RP2: variants seen among roughly 807,000 people sequenced by gnomAD.
RP2 encodes the protein RP2 activator of ARL3 GTPase.
In RP2, 3 loss-of-function variants were observed where a neutral mutation model predicts 20.3. The ratio of observed to expected loss-of-function variants is 0.15; its 90% CI spans 0.07 to 0.38. RP2 has a LOEUF of 0.38. Among genes scored for constraint, RP2 ranks in the 10% least tolerant of loss-of-function variants. RP2 has a pLI of 1.00. For missense variants in RP2, 233 were observed against 268.5 expected (o/e 0.87, Z 0.92); for synonymous variants, 75 against 94.8 (o/e 0.79, Z 1.22).
At chrX:46,861,700 C>G (rs978566062) in intron 3 of RP2, among the ~76,000 whole-genome samples, 1 of 111,069 alleles carries the variant, frequency 9.0e-6, no homozygotes, top group African/African-American at 3.3e-5. Context: ...CAAAAATTAG[C>G]TAGGGGTGAT....
chrX:46,876,859 T>C (rs1473730226), intron 3 of RP2, among the ~76,000 whole-genome samples: 1 of 112,569 alleles, frequency 8.9e-6, no homozygotes, highest in Non-Finnish European at 1.9e-5. Context: ...ATCAAGACTT[T>C]TCCATCACTG....
chrX:46,869,078 G>C (rs1312275815), intron 3 of RP2, among the ~76,000 whole-genome samples: 1 of 109,613 alleles, frequency 9.1e-6, no homozygotes, highest in East Asian at 2.9e-4. Flanking sequence ...CAGCCTTGGG[G>C]GGAGTGACCC....
chrX:46,837,258 C>A, intron 1 of RP2, 56 bp downstream of exon 1: 1 of 1,085,340 alleles, frequency 9.2e-7, no homozygotes, highest in Admixed American at 2.6e-5. Context: ...CCGCCAGGTC[C>A]CTTACGGCCC....
intron 2 of RP2, among the ~76,000 whole-genome samples, chrX:46,857,847 G>A (rs1602349081): frequency 8.9e-6 from 1 of 112,245 alleles, no homozygotes; most frequent in East Asian, 2.8e-4. Context: ...AATCAGAGAT[G>A]ATAAGCACTC....
chrX:46,853,981 C>T lies in RP2; in HGVS notation c.608C>T (p.Thr203Ile). 2.5e-6 allele frequency: 3 copies of T among 1,211,812 alleles called. No individual in the cohort carries two copies. The highest frequency in any genetic ancestry group is 3.4e-6 in the Non-Finnish European group (3 of 895,512). Reference sequence around the variant, plus strand: ...GTTCAGGACTATGTTCCTATACCTACTACCGAAGAGCTCAAAGCTGTTCGT... The same window carrying T: ...GTTCAGGACTATGTTCCTATACCTATTACCGAAGAGCTCAAAGCTGTTCGT... Reference protein sequence around the residue: ...AVVQDYVPIPTTEELKAVRVS... With the variant: ...AVVQDYVPIPITEELKAVRVS... The change falls in exon 2 of 5, where the codon ACT becomes ATT. Residue 203 changes from threonine to isoleucine, a missense_variant. Coordinates refer to ENST00000218340, the MANE Select transcript of RP2 (RefSeq NM_006915.3).
chrX:46,847,913 CAT>C (rs202146732), intron 1 of RP2, among the ~76,000 whole-genome samples: 1,366 of 61,821 alleles, frequency 0.022, 34 homozygotes, highest in African/African-American at 0.077. Flanking sequence ...TATATGGACT[CAT>C]ATATGTGTAT....
chrX:46,841,915 C>T (rs1924628474), intron 1 of RP2, among the ~76,000 whole-genome samples: 1 of 111,949 alleles, frequency 8.9e-6, no homozygotes, highest in Non-Finnish European at 1.9e-5. Flanking sequence ...TTCATTCTAT[C>T]TAACTGTATA....
intron 3 of RP2, among the ~76,000 whole-genome samples, chrX:46,861,440 A>T (rs1925060268): frequency 8.9e-6 from 1 of 112,271 alleles, no homozygotes; most frequent in Admixed American, 9.5e-5. Context: ...TCTTAAAAAC[A>T]AGAGATGCCT....
At chrX:46,876,899 G>A (rs1436379620) in intron 3 of RP2, among the ~76,000 whole-genome samples, 1 of 112,260 alleles carries the variant, frequency 8.9e-6, no homozygotes, top group Non-Finnish European at 1.9e-5. Flanking sequence ...TCAAATTAAT[G>A]TATGAGAAAG....
chrX:46,846,655 A>AT (rs1300641212), intron 1 of RP2, among the ~76,000 whole-genome samples: 4 of 111,922 alleles, frequency 3.6e-5, no homozygotes. Flanking sequence ...TGGCTATGCC[A>AT]TTTTGCCTAC....
intron 1 of RP2, among the ~76,000 whole-genome samples, chrX:46,847,836 ATGTGTGTATATATGTGTATATATG>A (rs1556317070): frequency 1.0e-5 from 1 of 98,821 alleles, no homozygotes; most frequent in Non-Finnish European, 2.0e-5. Context: ...ATGTGTATAT[ATGTGTGTATATATGTGTATATATG>A]TGTGTGTATA....
At chrX:46,867,618 T>C (rs1556323151) in intron 3 of RP2, among the ~76,000 whole-genome samples, 1 of 111,437 alleles carries the variant, frequency 9.0e-6, no homozygotes, top group Admixed American at 9.6e-5. Context: ...GGTAATACAT[T>C]TACATTCTCT....
chrX:46,837,274 C>A (rs782576748), intron 1 of RP2, 72 bp downstream of exon 1: 6 of 1,017,569 alleles, frequency 5.9e-6, no homozygotes, highest in Non-Finnish European at 6.8e-6. Context: ...GGCCCGGGAC[C>A]GCTGAGGGGG....
chrX:46,854,153 G>C lies in RP2; in HGVS notation c.768+12G>C, dbSNP rs1316569237. ...AACTAATTGATGAGGTAAGGAGAAA[G>C]AGAAGAGAAATAGTCATACACCTAG... On this transcript the variant is annotated intron_variant, in intron 2 of 4. Transcript: ENST00000218340. The C allele has an allele frequency of 9.2e-6, 11 of 1,194,721 alleles. No homozygotes were observed. Among genetic ancestry groups the C allele is most frequent in the Non-Finnish European group, 1.1e-5 (10 of 882,362 alleles).
intron 3 of RP2, among the ~76,000 whole-genome samples, chrX:46,871,524 T>G (rs1925290773): frequency 8.9e-6 from 1 of 112,783 alleles, no homozygotes; most frequent in Admixed American, 9.4e-5. Flanking sequence ...TGTATTTCTA[T>G]TATTGATTTC....
At chrX:46,871,146 C>T (rs782264295) in intron 3 of RP2, among the ~76,000 whole-genome samples, 2 of 106,721 alleles carry the variant, frequency 1.9e-5, no homozygotes, top group East Asian at 2.9e-4. Context: ...CTCAGCCTCC[C>T]GAGTAGCTGG....
At chrX:46,849,376 A>AC (rs1318360072) in intron 1 of RP2, among the ~76,000 whole-genome samples, 1 of 107,564 alleles carries the variant, frequency 9.3e-6, no homozygotes, top group Non-Finnish European at 1.9e-5. Flanking sequence ...GTGTTTTTTT[A>AC]CCCCCCTTCC....
chrX:46,837,125 C>T lies in RP2; in HGVS notation c.25C>T (p.Arg9Trp), dbSNP rs1206639289. Residue 9 changes from arginine to tryptophan, a missense_variant, in exon 1 of 5, where the codon CGG becomes TGG. Arg to Trp is a moderately radical substitution (Grantham distance 101, BLOSUM62 -3). Coordinates refer to ENST00000218340, the MANE Select transcript of RP2 (RefSeq NM_006915.3). ...CATGGGCTGCTTCTTCTCCAAGAGA[C>T]GGAAGGCTGACAAGGAGTCGCGGCC... MGCFFSKR[R>W]KADKESRPEN... 8.6e-7 allele frequency: 1 copy of T among 1,167,695 alleles called. No homozygotes were observed. Among genetic ancestry groups the T allele is most frequent in the Non-Finnish European group, 1.1e-6 (1 of 873,609 alleles).
At chrX:46,860,920 T>C (rs1244299798) in intron 3 of RP2, among the ~76,000 whole-genome samples, 1 of 112,046 alleles carries the variant, frequency 8.9e-6, no homozygotes, top group Non-Finnish European at 1.9e-5. Flanking sequence ...GTTAGAGGAA[T>C]GTTAGGATAA....
Sources: allele counts gnomAD v4.1 joint callset (sites outside exome capture counted in the v4.1 genomes callset), GRCh38; gene constraint gnomAD v4.1.1; transcripts MANE v1.5; gene names NCBI Gene and HGNC (gene_info 2026-07-23, HGNC 2026-07-21).